The following TUBA8 variants were observed in gnomAD, a reference collection of about 807,000 sequenced individuals.
The protein encoded by TUBA8 is tubulin alpha-8 chain.
Under a neutral mutation model 34.7 loss-of-function variants are expected in TUBA8, and 29 were observed. The observed-to-expected ratio is 0.84, with a 90% CI of 0.62 to 1.14. The LOEUF (loss-of-function observed/expected upper bound fraction) is 1.14, where lower values mean the gene tolerates loss of function less well. Among genes scored for constraint, TUBA8 ranks in the 50% most tolerant of loss-of-function variants. TUBA8 has a pLI of 0.00. For missense variants in TUBA8, 541 were observed against 599.2 expected, an observed-to-expected ratio of 0.90 and a Z score of 1.01; for synonymous variants, 226 against 231.2, an observed-to-expected ratio of 0.98 and a Z score of 0.21.
rs1324035950 is a variant in TUBA8 at position 18,118,701 on chromosome 22, A to G, written c.4-2778A>G. ...CTGAGTCTATTTTATGCCTCCAATTATTCTTATGAGCTAGTTCAATAGGAA... is the reference window on the plus strand; with the variant it reads ...CTGAGTCTATTTTATGCCTCCAATTGTTCTTATGAGCTAGTTCAATAGGAA... On this transcript the variant is annotated intron_variant, in intron 1 of 4. Coordinates refer to ENST00000330423, the MANE Select transcript of TUBA8 (RefSeq NM_018943.3). The surrounding 1 kb of genome is among the most constrained non-coding windows in gnomAD (Gnocchi z 4.0). The G allele has an allele frequency of 6.6e-6, 1 of 152,138 alleles. No individual in the cohort carries two copies. Among genetic ancestry groups the G allele is most frequent in the African/African-American group, 2.4e-5 (1 of 41,414 alleles). 9.4% of individuals were successfully genotyped at this position (152,138 alleles called of 1,614,324 possible). A position where few individuals can be genotyped will look rare whatever the true frequency, so the allele number is the denominator to read the frequency against.
At position 18,126,668 on chromosome 22, in the gene TUBA8, C is replaced by T; in HGVS notation, c.690C>T (p.Leu230=). ...ERPTYTNLNR[L]ISQIVSSITA... is the part of the protein sequence containing the mutation. ...CTACCTATACCAACCTCAACCGCCTCATCAGTCAGATTGTGTCCTCAATCA... is the reference window on the plus strand; with the variant it reads ...CTACCTATACCAACCTCAACCGCCTTATCAGTCAGATTGTGTCCTCAATCA... The change falls in exon 4 of 5, where the codon CTC becomes CTT. Residue 230 remains leucine (L), a synonymous_variant. Coordinates refer to ENST00000330423, the MANE Select transcript of TUBA8 (RefSeq NM_018943.3). This position sits in a 1 kb window ranked among gnomAD's most constrained non-coding sequence, Gnocchi z 4.0. 1 of 1,614,206 alleles carries T rather than the reference C, an allele frequency of 6.2e-7. No homozygotes were observed. The highest frequency in any genetic ancestry group is 8.5e-7 in the Non-Finnish European group (1 of 1,180,040).
chr22:18,126,753 C>T lies in TUBA8; in HGVS notation c.775C>T (p.Leu259=), dbSNP rs1205861357. The T allele has an allele frequency of 1.2e-6, 2 of 1,614,122 alleles. No individual in the cohort carries two copies. Among genetic ancestry groups the T allele is most frequent in the East Asian group, 2.2e-5 (1 of 44,884 alleles). The change falls in exon 4 of 5, where the codon CTG becomes TTG. Residue 259 remains leucine (L), a synonymous_variant. Transcript: ENST00000330423. The surrounding 1 kb of genome is among the most constrained non-coding windows in gnomAD (Gnocchi z 4.0). The part of the protein sequence containing the change: ...NVDLTEFQTN[L]VPYPRIHFPL... Reference sequence around the variant, plus strand: ...GGACCTCACTGAGTTCCAGACCAACCTGGTGCCCTACCCCCGCATCCACTT... The same window carrying T: ...GGACCTCACTGAGTTCCAGACCAACTTGGTGCCCTACCCCCGCATCCACTT...
At chr22:18,127,171 A>G in intron 4 of TUBA8, 137 bp downstream of exon 4, 1 of 877,412 alleles carries the variant, frequency 1.1e-6, no homozygotes, top group Non-Finnish European at 1.7e-6. Flanking sequence ...TGTAACATGA[A>G]TGGAATTCAG....
chr22:18,115,059 G>A (rs1263045097), intron 1 of TUBA8: 1 of 152,216 alleles, frequency 6.6e-6, no homozygotes, highest in Non-Finnish European at 1.5e-5. Context: ...CAAAACACAG[G>A]CACTGGGCTC....
chr22:18,127,372 C>A, intron 4 of TUBA8: 16 of 205,716 alleles, frequency 7.8e-5, no homozygotes, highest in East Asian at 1.3e-4. Context: ...TGATTTGGTT[C>A]AATTTGCCTA....
Position 18,121,590 on chromosome 22 carries a change from C to G in TUBA8, c.115C>G (p.Gln39Glu). The G allele has an allele frequency of 6.2e-7, 1 of 1,614,190 alleles. No individual in the cohort carries two copies. Among genetic ancestry groups the G allele is most frequent in the Non-Finnish European group, 8.5e-7 (1 of 1,180,028 alleles). ...CCAGGCAGACGGCACTTTTGATGCT[C>G]AAGCTAGCAAGATCAACGATGATGA... The part of the protein sequence containing the change: ...GIQADGTFDA[Q>E]ASKINDDDSF... Residue 39 changes from glutamine (Q) to glutamate (E), a missense_variant, in exon 2 of 5, where the codon CAA becomes GAA. Physicochemically the swap from Gln to Glu is conservative, Grantham distance 29. Coordinates refer to ENST00000330423, the MANE Select transcript of TUBA8 (RefSeq NM_018943.3). This position sits in a 1 kb window ranked among gnomAD's most constrained non-coding sequence, Gnocchi z 4.8.
In TUBA8 at chr22:18,130,534, C is replaced by T. The variant is rs1204049481; in HGVS notation, c.1057-309C>T. 4 of 442,522 alleles carry T rather than the reference C, an allele frequency of 9.0e-6. No individual in the cohort carries two copies. The East Asian group carries it at 1.3e-4, about 15-fold the overall frequency. 27.4% of individuals were successfully genotyped at this position (442,522 alleles called of 1,614,324 possible). ...ACCTCATGGGCTCAAGTGATCCTTC[C>T]ACCTCAGCCTCCCTGAGTAGCTGGG... is the stretch of plus-strand genomic sequence containing the variant. On this transcript the variant is annotated intron_variant, in intron 4 of 4. Transcript: ENST00000330423.
chr22:18,126,940 G>A lies in TUBA8; in HGVS notation c.962G>A (p.Gly321Asp). The change falls in exon 4 of 5, where the codon GGC (glycine) becomes GAC (aspartate). Residue 321 changes from glycine (G) to aspartate (D), a missense_variant. Transcript: ENST00000330423. The surrounding 1 kb of genome is among the most constrained non-coding windows in gnomAD (Gnocchi z 4.0). ...ATGGCCTGCTGCATGCTCTACCGGG[G>A]CGACGTGGTGCCCAAGGATGTGAAT... is the stretch of plus-strand genomic sequence containing the variant. ...KYMACCMLYR[G>D]DVVPKDVNVA... 2 of 1,613,164 alleles carry A rather than the reference G, an allele frequency of 1.2e-6. No homozygotes were observed. The highest frequency in any genetic ancestry group is 2.2e-5 in the South Asian group (2 of 90,960).
chr22:18,130,824 C>T lies in TUBA8; in HGVS notation c.1057-19C>T, dbSNP rs1316563116. ...CTTGTATCTTCTTCTGTGGCTCCTC[C>T]TCTTTCTGTGTCCCTCAGGTGGGCA... On this transcript the variant is annotated intron_variant, in intron 4 of 4. Coordinates refer to ENST00000330423, the MANE Select transcript of TUBA8 (RefSeq NM_018943.3). 2 of 1,613,186 alleles carry T rather than the reference C, an allele frequency of 1.2e-6. No individual in the cohort carries two copies. Among genetic ancestry groups the T allele is most frequent in the African/African-American group, 1.3e-5 (1 of 74,868 alleles).
Position 18,121,570 on chromosome 22 carries a change from C to A in TUBA8, c.95C>A (p.Ala32Glu), listed in dbSNP as rs1928148425. The A allele has an allele frequency of 6.2e-7, 1 of 1,614,230 alleles. No individual in the cohort carries two copies. The highest frequency in any genetic ancestry group is 8.5e-7 in the Non-Finnish European group (1 of 1,180,040). Residue 32 changes from alanine to glutamate, a missense_variant, in exon 2 of 5, where the codon GCA becomes GAA. Ala to Glu is a moderately radical substitution (Grantham distance 107). Coordinates refer to ENST00000330423, the MANE Select transcript of TUBA8 (RefSeq NM_018943.3). The surrounding 1 kb of genome is among the most constrained non-coding windows in gnomAD (Gnocchi z 4.8). Reference sequence around the variant, plus strand: ...TTCTGCCTGGAACACGGCATCCAGGCAGACGGCACTTTTGATGCTCAAGCT... The same window carrying A: ...TTCTGCCTGGAACACGGCATCCAGGAAGACGGCACTTTTGATGCTCAAGCT... ...ELFCLEHGIQ[A>E]DGTFDAQASK...
At position 18,125,006 on chromosome 22, in the gene TUBA8, A is replaced by C. The variant is rs930358272; in HGVS notation, c.375+702A>C. ...TATATTCACTTTTTCTGTTTAGAGG[A>C]GGGCTTGTCAGGGTCATTGGCCTCA... On this transcript the variant is annotated intron_variant, in intron 3 of 4. Coordinates refer to ENST00000330423, the MANE Select transcript of TUBA8 (RefSeq NM_018943.3). 3.8e-4 allele frequency: 58 copies of C among 152,150 alleles called. 1 individual carries two copies. Among genetic ancestry groups the C allele is most frequent in the Non-Finnish European group, 1.5e-5 (1 of 68,048 alleles). 9.4% of individuals were successfully genotyped at this position (152,150 alleles called of 1,614,324 possible).
At position 18,118,564 on chromosome 22, in the gene TUBA8, C is replaced by T. The variant is rs751153259; in HGVS notation, c.4-2915C>T. 4.0e-4 allele frequency: 61 copies of T among 152,324 alleles called. No homozygotes were observed. Among genetic ancestry groups the T allele is most frequent in the African/African-American group, 1.3e-3 (56 of 41,574 alleles). 9.4% of individuals were successfully genotyped at this position (152,324 alleles called of 1,614,324 possible). A position where few individuals can be genotyped will look rare whatever the true frequency, so the allele number is the denominator to read the frequency against. On this transcript the variant is annotated intron_variant, in intron 1 of 4. Coordinates refer to ENST00000330423, the MANE Select transcript of TUBA8 (RefSeq NM_018943.3). This position sits in a 1 kb window ranked among gnomAD's most constrained non-coding sequence, Gnocchi z 4.0. ...GCACACTCCCCACCCTGGACCTGGACGCCTCCGTCTCTCCAAGGAGCCCAG... is the reference window on the plus strand; with the variant it reads ...GCACACTCCCCACCCTGGACCTGGATGCCTCCGTCTCTCCAAGGAGCCCAG...
intron 3 of TUBA8, chr22:18,125,513 CAAAAA>C (rs361619): frequency 6.0e-5 from 4 of 66,966 alleles, no homozygotes; most frequent in Non-Finnish European, 1.4e-4. Context: ...GACTCTGTCT[CAAAAA>C]AAAAAAAAAA....
In TUBA8 at chr22:18,130,699, C is replaced by T. The variant is rs1018534705; in HGVS notation, c.1057-144C>T. ...CCTGCTGGCTTCCCCAGTCCCATCC[C>T]GCCTGTTGCATCCCATAGCCCCACT... On this transcript the variant is annotated intron_variant, in intron 4 of 4. Transcript: ENST00000330423. 6.5e-5 allele frequency: 68 copies of T among 1,052,140 alleles called. No individual in the cohort carries two copies. In the South Asian group the frequency reaches 6.5e-4, roughly 10 times the overall value. 65.2% of individuals were successfully genotyped at this position (1,052,140 alleles called of 1,614,324 possible).
intron 1 of TUBA8, chr22:18,114,523 C>T (rs1043306995): frequency 1.3e-5 from 2 of 152,224 alleles, no homozygotes; most frequent in African/African-American, 4.8e-5. Context: ...TCGAAGAGTT[C>T]TGAGCAGAGA....
At position 18,119,861 on chromosome 22, in the gene TUBA8, A is replaced by T. The variant is rs1928093887; in HGVS notation, c.4-1618A>T. 6.6e-6 allele frequency: 1 copy of T among 152,262 alleles called. No homozygotes were observed. The highest frequency in any genetic ancestry group is 2.4e-5 in the African/African-American group (1 of 41,444). The allele number at this position is 152,262 out of a possible 1,614,324, so 9.4% of individuals were successfully genotyped here. A position where few individuals can be genotyped will look rare whatever the true frequency, so the allele number is the denominator to read the frequency against. On this transcript the variant is annotated intron_variant, in intron 1 of 4. Coordinates refer to ENST00000330423, the MANE Select transcript of TUBA8 (RefSeq NM_018943.3). The surrounding 1 kb of genome is among the most constrained non-coding windows in gnomAD (Gnocchi z 5.9). ...GTGGACTCTACTGGCTTCTGTGCCCAGCCGTGCCCTCTGGAGGCTCTGCCC... is the reference window on the plus strand; with the variant it reads ...GTGGACTCTACTGGCTTCTGTGCCCTGCCGTGCCCTCTGGAGGCTCTGCCC...
At chr22:18,125,775 TG>T (rs1436097851) in intron 3 of TUBA8, 2 of 155,442 alleles carry the variant, frequency 1.3e-5, no homozygotes, top group Non-Finnish European at 2.9e-5. Flanking sequence ...CCATCCACTG[TG>T]GTTCTGAAAC....
In TUBA8 at chr22:18,110,877, T is replaced by TC. The variant is rs1287486150; in HGVS notation, c.3+12dup. The TC allele has an allele frequency of 6.5e-7, 1 of 1,547,892 alleles. No individual in the cohort carries two copies. Among genetic ancestry groups the TC allele is most frequent in the Non-Finnish European group, 8.7e-7 (1 of 1,153,510 alleles). Reference sequence around the variant, plus strand: ...GGACAGCGGCAGCGATGGTGAGGCTTCCCGGGGCCAGGCGGGCTGCGGGCG... The same window carrying TC: ...GGACAGCGGCAGCGATGGTGAGGCTTCCCCGGGGCCAGGCGGGCTGCGGGCG... On this transcript the variant is annotated intron_variant, in intron 1 of 4. Coordinates refer to ENST00000330423, the MANE Select transcript of TUBA8 (RefSeq NM_018943.3). The surrounding 1 kb of genome is among the most constrained non-coding windows in gnomAD (Gnocchi z 6.2).
chr22:18,113,952 G>T (rs1927890898), intron 1 of TUBA8: 2 of 152,208 alleles, frequency 1.3e-5, no homozygotes, highest in Admixed American at 1.3e-4. Flanking sequence ...CTTTCTCCTA[G>T]TGACCTTCAA....
Sources: allele counts gnomAD v4.1 joint callset, GRCh38; gene constraint gnomAD v4.1.1; non-coding constraint Gnocchi (gnomAD v3.1); transcripts MANE v1.5; gene names NCBI Gene and HGNC (gene_info 2026-07-23, HGNC 2026-07-21).